The following CFAP206 variants were observed in gnomAD, a reference collection of about 807,000 sequenced individuals.
CFAP206 encodes cilia- and flagella-associated protein 206.
Under a neutral mutation model 65.4 loss-of-function variants are expected in CFAP206, and 53 were observed. The observed-to-expected ratio is 0.81, with a 90% confidence interval of 0.65 to 1.02. CFAP206 has a LOEUF of 1.02. CFAP206 is among the 50% of genes least tolerant of loss of function. The probability of loss-of-function intolerance (pLI) is 0.00; values close to 1 mark genes in which losing one functional copy is unlikely to be tolerated. For synonymous variants in CFAP206, 250 were observed against 254.4 expected (o/e 0.98, Z 0.17); for missense variants, 663 against 753.2 (o/e 0.88, Z 1.40).
At chr6:87,449,047 T>C (rs1323189858) in intron 11 of CFAP206, among the ~76,000 whole-genome samples, 1 of 152,116 alleles carries the variant, frequency 6.6e-6, no homozygotes, top group Admixed American at 6.6e-5. Context: ...GATCATATGG[T>C]ATTTCTATTT....
At chr6:87,459,352 A>T (rs2127957765) in intron 11 of CFAP206, among the ~76,000 whole-genome samples, 1 of 152,264 alleles carries the variant, frequency 6.6e-6, no homozygotes, top group South Asian at 2.1e-4. Flanking sequence ...AATTCCCTCC[A>T]TGACCTCTCT....
rs1332413663 is a variant in CFAP206 at position 87,415,718 on chromosome 6, G to C, written c.316G>C (p.Glu106Gln). ...TCTCGAAGAACATCACCGGGTCCTA[G>C]AGTCTAGATTAGGCTCTGTTACCCG... ...EFLEEHHRVL[E>Q]SRLGSVTREI... The change falls in exon 5 of 13, where the codon GAG becomes CAG. Residue 106 changes from glutamate to glutamine, a missense_variant. Coordinates refer to ENST00000369562, the MANE Select transcript of CFAP206 (RefSeq NM_001031743.3). The C allele has an allele frequency of 1.2e-6, 2 of 1,611,326 alleles. No homozygotes were observed. The highest frequency in any genetic ancestry group is 1.7e-5 in the Admixed American group (1 of 59,702).
Position 87,431,056 on chromosome 6 carries a change from T to A in CFAP206, c.1183T>A (p.Phe395Ile). The A allele has an allele frequency of 6.2e-7, 1 of 1,613,968 alleles. No homozygotes were observed. The highest frequency in any genetic ancestry group is 8.5e-7 in the Non-Finnish European group (1 of 1,179,872). Residue 395 changes from phenylalanine to isoleucine, a missense_variant, in exon 10 of 13, where the codon TTC (phenylalanine) becomes ATC (isoleucine). Phe to Ile is a conservative substitution (Grantham distance 21, BLOSUM62 0). Coordinates refer to ENST00000369562, the MANE Select transcript of CFAP206 (RefSeq NM_001031743.3). ...AGAAGATAGAGTAAATGTGGCAGATTTCAGAAAACTAGAATGGCTTTTCCC... is the reference window on the plus strand; with the variant it reads ...AGAAGATAGAGTAAATGTGGCAGATATCAGAAAACTAGAATGGCTTTTCCC... ...HMEDRVNVAD[F>I]RKLEWLFPET...
In CFAP206 at chr6:87,409,889, T is replaced by C; in HGVS notation, c.50T>C (p.Ile17Thr). The part of the protein sequence containing the change: ...ESVIRSIIRE[I>T]GQECAAHGEI... ...GTTATAAGGAGTATTATACGAGAAA[T>C]AGGACAAGAATGTGCAGCCCATGGA... is the stretch of plus-strand genomic sequence containing the variant. Residue 17 changes from isoleucine to threonine, a missense_variant, in exon 2 of 13, where the codon ATA becomes ACA. By Grantham distance (89) the Ile-to-Thr change is moderately conservative. Coordinates refer to ENST00000369562, the MANE Select transcript of CFAP206 (RefSeq NM_001031743.3). 6.2e-7 allele frequency: 1 copy of C among 1,613,298 alleles called. No individual in the cohort carries two copies. The highest frequency in any genetic ancestry group is 1.1e-5 in the South Asian group (1 of 91,020).
chr6:87,418,322 A>C lies in CFAP206; in HGVS notation c.746A>C (p.Asn249Thr), dbSNP rs778646944. 1 of 1,614,178 alleles carries C rather than the reference A, an allele frequency of 6.2e-7. No homozygotes were observed. The highest frequency in any genetic ancestry group is 8.5e-7 in the Non-Finnish European group (1 of 1,180,036). The part of the protein sequence containing the change: ...RYTAILEKAA[N>T]DPLMRAELQP... ...ACAGCCATCCTTGAGAAGGCAGCCAACGACCCACTCATGAGGGCTGAACTT... is the reference window on the plus strand; with the variant it reads ...ACAGCCATCCTTGAGAAGGCAGCCACCGACCCACTCATGAGGGCTGAACTT... The change falls in exon 7 of 13, where the codon AAC becomes ACC. Residue 249 changes from asparagine to threonine, a missense_variant. Asn to Thr is a moderately conservative substitution (Grantham distance 65). Transcript: ENST00000369562.
intron 11 of CFAP206, chr6:87,441,267 T>A (rs896309984): frequency 4.5e-5 from 8 of 178,580 alleles, no homozygotes; most frequent in Non-Finnish European, 6.9e-5. Flanking sequence ...TCTTCCATAT[T>A]CTAGGGGCAA....
rs201599246 is a variant in CFAP206 at position 87,433,243 on chromosome 6, A to AT, written c.1301-1610dup. ...TACTATGTATTTAACCTGCTTTATT[A>AT]TTTTTTTCATGTAGCACATGTCACT... On this transcript the variant is annotated intron_variant, in intron 10 of 12. Transcript: ENST00000369562. Among the ~76,000 whole-genome samples, 1,018 of 152,090 alleles carry AT rather than the reference A, an allele frequency of 6.7e-3. 20 individuals carry two copies. Among genetic ancestry groups the AT allele is most frequent in the African/African-American group, 0.023 (964 of 41,482 alleles).
chr6:87,449,110 A>G (rs1768496300), intron 11 of CFAP206, among the ~76,000 whole-genome samples: 1 of 151,988 alleles, frequency 6.6e-6, no homozygotes, highest in Non-Finnish European at 1.5e-5. Flanking sequence ...TTGCATTCCC[A>G]TCAAACTTGC....
At position 87,418,339 on chromosome 6, in the gene CFAP206, G is replaced by A. The variant is rs937949652; in HGVS notation, c.763G>A (p.Ala255Thr). ...EKAANDPLMR[A>T]ELQPYMLKEA... ...GGCAGCCAACGACCCACTCATGAGGGCTGAACTTCAGCCATATATGTTAAA... is the reference window on the plus strand; with the variant it reads ...GGCAGCCAACGACCCACTCATGAGGACTGAACTTCAGCCATATATGTTAAA... The change falls in exon 7 of 13, where the codon GCT becomes ACT. Residue 255 changes from alanine (A) to threonine (T), a missense_variant. Coordinates refer to ENST00000369562, the MANE Select transcript of CFAP206 (RefSeq NM_001031743.3). The A allele has an allele frequency of 3.1e-6, 5 of 1,613,924 alleles. No individual in the cohort carries two copies. The highest frequency in any genetic ancestry group is 3.4e-6 in the Non-Finnish European group (4 of 1,180,024).
At position 87,416,741 on chromosome 6, in the gene CFAP206, G is replaced by A. The variant is rs780934340; in HGVS notation, c.545G>A (p.Arg182His). The A allele has an allele frequency of 9.9e-6, 16 of 1,613,304 alleles. No homozygotes were observed. The African/African-American group carries it at 1.6e-4, about 16-fold the overall frequency. The change falls in exon 6 of 13, where the codon CGC (arginine) becomes CAC (histidine). Residue 182 changes from arginine (R) to histidine (H), a missense_variant. Transcript: ENST00000369562. ...ACTCTTTCTAAGAAGGACAAAGAAC[G>A]CCAGCTGAAAGAACTCACCATGATT... ...FLTLSKKDKE[R>H]QLKELTMIVT... is the part of the protein sequence containing the mutation.
intron 12 of CFAP206, among the ~76,000 whole-genome samples, chr6:87,462,015 T>C (rs1768758672): frequency 6.6e-6 from 1 of 152,106 alleles, no homozygotes; most frequent in African/African-American, 2.4e-5. Context: ...TTTTATGAGA[T>C]TGGTTTGGTG....
rs115212075 is a variant in CFAP206, at chr6:87,431,296, G to T, written c.1300+123G>T. Reference sequence around the variant, plus strand: ...GGAATCTAATGGTGAACTAACAAAGGATCTACAAAGATGATCCAGACAAAG... The same window carrying T: ...GGAATCTAATGGTGAACTAACAAAGTATCTACAAAGATGATCCAGACAAAG... On this transcript the variant is annotated intron_variant, in intron 10 of 12. Coordinates refer to ENST00000369562, the MANE Select transcript of CFAP206 (RefSeq NM_001031743.3). 2,661 of 900,366 alleles carry T rather than the reference G, an allele frequency of 3.0e-3. 39 individuals are homozygous for T. In the African/African-American group the frequency reaches 0.036, roughly 12 times the overall value. The allele number at this position is 900,366 out of a possible 1,614,324, so 55.8% of individuals were successfully genotyped here.
intron 11 of CFAP206, among the ~76,000 whole-genome samples, chr6:87,437,585 T>A (rs1490892947): frequency 6.6e-6 from 1 of 152,062 alleles, no homozygotes; most frequent in African/African-American, 2.4e-5. Flanking sequence ...CTTTACAGAT[T>A]GTGCTTTTTT....
At chr6:87,430,950 T>C (rs896451804) in intron 9 of CFAP206, 83 bp from the exon 10 acceptor site, 1 of 1,309,062 alleles carries the variant, frequency 7.6e-7, no homozygotes, top group African/African-American at 1.5e-5. Flanking sequence ...AAAGGTAATG[T>C]TTAGAATGAG....
intron 8 of CFAP206, among the ~76,000 whole-genome samples, chr6:87,427,399 A>G (rs1449385322): frequency 1.3e-5 from 2 of 152,176 alleles, no homozygotes; most frequent in Non-Finnish European, 2.9e-5. Flanking sequence ...TCGGCCTCCC[A>G]AAGTTCTGGG....
intron 4 of CFAP206, 38 bp from the exon 5 acceptor site, chr6:87,415,648 A>G: frequency 6.4e-7 from 1 of 1,566,904 alleles, no homozygotes; most frequent in Non-Finnish European, 8.7e-7. Context: ...GAATTCTAAA[A>G]ATTAAATATA....
intron 11 of CFAP206, chr6:87,444,744 C>T: frequency 4.5e-6 from 2 of 439,756 alleles, no homozygotes; most frequent in Non-Finnish European, 4.4e-6. Context: ...CATGGTTTTG[C>T]TCATACTTTC....
rs762126265 is a variant in CFAP206, at chr6:87,415,674, T to A, written c.284-12T>A. On this transcript the variant is annotated splice_polypyrimidine_tract_variant and intron_variant, in intron 4 of 12. Transcript: ENST00000369562. ...ATTAAATATATAGAACATTGTTATTTGGCAATTTTAGTGGAATTTCTCGAA... is the reference window on the plus strand; with the variant it reads ...ATTAAATATATAGAACATTGTTATTAGGCAATTTTAGTGGAATTTCTCGAA... 8.1e-6 allele frequency: 13 copies of A among 1,598,926 alleles called. No homozygotes were observed. Among genetic ancestry groups the A allele is most frequent in the Non-Finnish European group, 1.1e-5 (13 of 1,172,962 alleles).
rs1767892120 is a variant in CFAP206 at position 87,419,069 on chromosome 6, A to G, written c.840+653A>G. ...AGAGGTTGCAGTGAGCCAAGATCAC[A>G]CCACTGCACTCTGACAGAGGGAGAC... On this transcript the variant is annotated intron_variant, in intron 7 of 12. Transcript: ENST00000369562. 2.3e-5 allele frequency among the ~76,000 whole-genome samples: 3 copies of G among 132,414 alleles called. No homozygotes were observed. In the South Asian group the frequency reaches 6.8e-4, roughly 30 times the overall value. 86.9% of individuals were successfully genotyped at this position (132,414 alleles called of 152,430 possible). A position where few individuals can be genotyped will look rare whatever the true frequency, so the allele number is the denominator to read the frequency against.
Sources: gnomAD v4.1 joint callset for allele counts (sites outside exome capture counted in the v4.1 genomes callset) on GRCh38, gnomAD v4.1.1 for gene constraint, MANE v1.5 for transcripts, NCBI Gene and HGNC (gene_info 2026-07-23, HGNC 2026-07-21) for gene names.